The following FAM98B variants were observed in gnomAD, a reference collection of about 807,000 sequenced individuals.
FAM98B encodes tRNA-splicing ligase complex subunit FAM98B.
Under a neutral mutation model 43.9 loss-of-function variants are expected in FAM98B, and 32 were observed. That is an observed-to-expected ratio of 0.73 (90% CI 0.55 to 0.98). FAM98B has a LOEUF of 0.98. Among genes scored for constraint, FAM98B ranks in the 50% least tolerant of loss-of-function variants. The pLI, the probability that FAM98B is intolerant of heterozygous loss-of-function variation, is 0.00. For synonymous variants in FAM98B, 190 were observed against 174.0 expected (o/e 1.09, Z -0.72); for missense variants, 514 against 522.9 (o/e 0.98, Z 0.17).
At chr15:38,478,430 A>C (rs759686267) in intron 6 of FAM98B, among the ~76,000 whole-genome samples, 24 of 152,026 alleles carry the variant, frequency 1.6e-4, no homozygotes, top group Admixed American at 2.6e-4. Context: ...TTGTATACTA[A>C]GTTTTCTTGT....
At position 38,481,581 on chromosome 15, in the gene FAM98B, G is replaced by C. The variant is rs756929106; in HGVS notation, c.897+122G>C. 10 of 1,611,536 alleles carry C rather than the reference G, an allele frequency of 6.2e-6. No individual in the cohort carries two copies. In the African/African-American group the frequency reaches 1.3e-4, roughly 22 times the overall value. Reference sequence around the variant, plus strand: ...ATGTTTAGAAAAAAGAGTGGCAGGGGGGTTCAGTCTAGGCTTAGTTATGTT... The same window carrying C: ...ATGTTTAGAAAAAAGAGTGGCAGGGCGGTTCAGTCTAGGCTTAGTTATGTT... On this transcript the variant is annotated intron_variant, in intron 7 of 7. Transcript: ENST00000397609.
intron 1 of FAM98B, among the ~76,000 whole-genome samples, chr15:38,461,574 G>A (rs1451356350): frequency 6.6e-6 from 1 of 151,884 alleles, no homozygotes; most frequent in East Asian, 1.9e-4. Context: ...CACTGTGCCT[G>A]GCCTGCTACA....
At chr15:38,468,083 A>G (rs1160093602) in intron 3 of FAM98B, among the ~76,000 whole-genome samples, 2 of 152,210 alleles carry the variant, frequency 1.3e-5, no homozygotes, top group East Asian at 1.9e-4. Context: ...TCTACTGCTT[A>G]CTATCTGCAT....
At chr15:38,458,919 T>TA (rs1889898124) in intron 1 of FAM98B, 1 of 436,438 alleles carries the variant, frequency 2.3e-6, no homozygotes, top group Non-Finnish European at 4.6e-6. Context: ...TTGTCCAGGA[T>TA]GAGGGTTTTC....
At position 38,470,263 on chromosome 15, in the gene FAM98B, T is replaced by C; in HGVS notation, c.389T>C (p.Leu130Ser). Residue 130 changes from leucine (L) to serine (S), a missense_variant, in exon 4 of 8, where the codon TTA becomes TCA. Coordinates refer to ENST00000397609, the MANE Select transcript of FAM98B (RefSeq NM_173611.4). ...LSTELQASQI[L>S]QNKKHKNSQL... The stretch of plus-strand genomic sequence containing the variant: ...ACAGAACTTCAAGCTTCACAGATAT[T>C]ACAGAACAAGAAACATAAAAATTCT... 6.4e-7 allele frequency: 1 copy of C among 1,556,944 alleles called. No individual in the cohort carries two copies. The highest frequency in any genetic ancestry group is 8.7e-7 in the Non-Finnish European group (1 of 1,146,760).
At chr15:38,454,449 C>G (rs554510766) in intron 1 of FAM98B, among the ~76,000 whole-genome samples, 3 of 152,332 alleles carry the variant, frequency 2.0e-5, no homozygotes, top group South Asian at 4.1e-4. Context: ...TTCGTGGCCC[C>G]CTCTTCGAAA....
intron 6 of FAM98B, among the ~76,000 whole-genome samples, chr15:38,480,536 C>T (rs1890266576): frequency 6.6e-6 from 1 of 151,884 alleles, no homozygotes; most frequent in South Asian, 2.1e-4. Context: ...AGCTAGGATT[C>T]TCTCTATATT....
chr15:38,456,815 T>C (rs757236076), intron 1 of FAM98B, among the ~76,000 whole-genome samples: 38 of 152,322 alleles, frequency 2.5e-4, no homozygotes, highest in Non-Finnish European at 4.3e-4. Flanking sequence ...AGGAGCTTGC[T>C]GTATTAGAAG....
At chr15:38,454,704 A>G (rs1442111055) in intron 1 of FAM98B, among the ~76,000 whole-genome samples, 2 of 152,168 alleles carry the variant, frequency 1.3e-5, no homozygotes, top group African/African-American at 2.4e-5. Context: ...AAAGTGTTGT[A>G]GTTCATTGCG....
chr15:38,485,965 A>G lies in FAM98B; in HGVS notation c.*1306A>G, dbSNP rs1890364257. 6.6e-6 allele frequency: 1 copy of G among 152,158 alleles called. No individual in the cohort carries two copies. Among genetic ancestry groups the G allele is most frequent in the Non-Finnish European group, 1.5e-5 (1 of 68,016 alleles). 9.4% of individuals were successfully genotyped at this position (152,158 alleles called of 1,614,324 possible). A position where few individuals can be genotyped will look rare whatever the true frequency, so the allele number is the denominator to read the frequency against. ...TTCTGGTCAATACCTATACATAACA[A>G]CTTAATGTGATCTAACCAACTCAAC... On this transcript the variant is annotated 3_prime_UTR_variant, in exon 8 of 8. Coordinates refer to ENST00000397609, the MANE Select transcript of FAM98B (RefSeq NM_173611.4).
chr15:38,484,632 T>TGGA lies in FAM98B; in HGVS notation c.1281_1283dup (p.Gly429dup), dbSNP rs1008313499. 6.7e-7 allele frequency: 1 copy of TGGA among 1,490,756 alleles called. No homozygotes were observed. The allele number at this position is 1,490,756 out of a possible 1,614,324, so 92.3% of individuals were successfully genotyped here. ...GTGGTGGTGGTGGTGGTGGTGGTGG[T>TGGA]GGAGGAGGTGGATATAGAAGATACT... On this transcript the variant is annotated inframe_insertion, in exon 8 of 8. Transcript: ENST00000397609.
In FAM98B at chr15:38,486,594, AT is replaced by A. The variant is rs1022198161; in HGVS notation, c.*1937del. On this transcript the variant is annotated 3_prime_UTR_variant, in exon 8 of 8. Coordinates refer to ENST00000397609, the MANE Select transcript of FAM98B (RefSeq NM_173611.4). ...CCTTTATAGGAGTGCTGCTTGGGTT[AT>A]TCACTACAATCACTTATTTCCTATC... 1.3e-5 allele frequency: 2 copies of A among 152,120 alleles called. No individual in the cohort carries two copies. Among genetic ancestry groups the A allele is most frequent in the Non-Finnish European group, 2.9e-5 (2 of 67,976 alleles). 9.4% of individuals were successfully genotyped at this position (152,120 alleles called of 1,614,324 possible).
chr15:38,479,287 T>G (rs1188585299), intron 6 of FAM98B, among the ~76,000 whole-genome samples: 1 of 152,174 alleles, frequency 6.6e-6, no homozygotes, highest in Non-Finnish European at 1.5e-5. Context: ...CATTTTAAAG[T>G]GTACAATTCA....
rs1890261203 is a variant in FAM98B at position 38,480,131 on chromosome 15, G to GT, written c.730-1157dup. Among the ~76,000 whole-genome samples, 3 of 151,962 alleles carry GT rather than the reference G, an allele frequency of 2.0e-5. No individual in the cohort carries two copies. In the South Asian group the frequency reaches 6.3e-4, roughly 32 times the overall value. ...TTTTCCCCAGTTGTCATTAGATGTT[G>GT]TTTTATATCTTTTAAAGTACAGAAA... is the stretch of plus-strand genomic sequence containing the variant. On this transcript the variant is annotated intron_variant, in intron 6 of 7. Transcript: ENST00000397609.
intron 1 of FAM98B, among the ~76,000 whole-genome samples, chr15:38,455,754 T>G (rs1889839026): frequency 6.6e-6 from 1 of 152,208 alleles, no homozygotes; most frequent in South Asian, 2.1e-4. Flanking sequence ...AGGCAGTGCT[T>G]TTCTTCTTTC....
intron 1 of FAM98B, among the ~76,000 whole-genome samples, chr15:38,457,425 T>C (rs1384690107): frequency 6.6e-6 from 1 of 152,084 alleles, no homozygotes; most frequent in African/African-American, 2.4e-5. Context: ...TTGGTAAATA[T>C]GGAGAATGCA....
intron 3 of FAM98B, among the ~76,000 whole-genome samples, chr15:38,469,557 C>T (rs1270548449): frequency 1.3e-5 from 2 of 152,142 alleles, no homozygotes; most frequent in Non-Finnish European, 2.9e-5. Flanking sequence ...ATCATATCTT[C>T]CTTGACTTGG....
In FAM98B at chr15:38,484,682, G is replaced by C; in HGVS notation, c.*23G>C. 6.6e-7 allele frequency: 1 copy of C among 1,505,656 alleles called. No homozygotes were observed. The allele number at this position is 1,505,656 out of a possible 1,614,324, so 93.3% of individuals were successfully genotyped here. ...TAAAAACTATAAAAATTAGATAGCAGTGCTTGCTTCTTTATAGATACATTA... is the reference window on the plus strand; with the variant it reads ...TAAAAACTATAAAAATTAGATAGCACTGCTTGCTTCTTTATAGATACATTA... On this transcript the variant is annotated 3_prime_UTR_variant, in exon 8 of 8. Transcript: ENST00000397609.
At chr15:38,463,021 G>T (rs1889973392) in intron 1 of FAM98B, among the ~76,000 whole-genome samples, 1 of 152,168 alleles carries the variant, frequency 6.6e-6, no homozygotes, top group Non-Finnish European at 1.5e-5. Context: ...AACTGTGATG[G>T]ATTAAAACAC....
Sources: allele counts gnomAD v4.1 joint callset (sites outside exome capture counted in the v4.1 genomes callset), GRCh38; gene constraint gnomAD v4.1.1; transcripts MANE v1.5; gene names NCBI Gene and HGNC (gene_info 2026-07-23, HGNC 2026-07-21).